The following FANK1 variants were observed in gnomAD, a reference collection of about 807,000 sequenced individuals.
FANK1 encodes fibronectin type III and ankyrin repeat domains 1.
A neutral mutation model predicts 45.3 loss-of-function variants in FANK1; 44 were observed. The ratio of observed to expected loss-of-function variants is 0.97; its 90% CI spans 0.76 to 1.25. FANK1 has a LOEUF of 1.25. Ranked by LOEUF, FANK1 falls within the 50% of genes most tolerant of loss-of-function variation. The pLI is 0.00. For synonymous variants in FANK1, 149 were observed against 152.5 expected, an observed-to-expected ratio of 0.98 and a Z score of 0.17; for missense variants, 391 against 424.4, an observed-to-expected ratio of 0.92 and a Z score of 0.69.
chr10:125,952,134 A>T (rs1949275235), intron 1 of FANK1, among the ~76,000 whole-genome samples: 1 of 152,106 alleles, frequency 6.6e-6, no homozygotes, highest in African/African-American at 2.4e-5. Context: ...ATTTGTTGTA[A>T]TATTTGGTGT....
chr10:125,920,705 A>G (rs1005920992), intron 1 of FANK1, among the ~76,000 whole-genome samples: 1 of 152,230 alleles, frequency 6.6e-6, no homozygotes, highest in African/African-American at 2.4e-5. Context: ...AGGGCAGCAC[A>G]TCGTTTGCAG....
chr10:125,902,396 G>T (rs1301319498), intron 1 of FANK1, among the ~76,000 whole-genome samples: 1 of 152,192 alleles, frequency 6.6e-6, no homozygotes, highest in Non-Finnish European at 1.5e-5. Flanking sequence ...TCATGGAATG[G>T]ATAGCACTGC....
chr10:125,940,918 C>A (rs1378891834), intron 1 of FANK1, among the ~76,000 whole-genome samples: 1 of 152,216 alleles, frequency 6.6e-6, no homozygotes, highest in Non-Finnish European at 1.5e-5. Context: ...TGATTCCACA[C>A]AACACATGTT....
chr10:125,908,262 C>T (rs1945705847), intron 1 of FANK1, among the ~76,000 whole-genome samples: 1 of 152,174 alleles, frequency 6.6e-6, no homozygotes. Flanking sequence ...TCCCAAAGGG[C>T]TGGGATTACA....
At chr10:125,951,183 T>C (rs1949196982) in intron 1 of FANK1, among the ~76,000 whole-genome samples, 1 of 150,580 alleles carries the variant, frequency 6.6e-6, no homozygotes, top group South Asian at 2.1e-4. Context: ...GCATGGCACA[T>C]GTATACATAT....
At chr10:125,971,840 T>C (rs904240920) in intron 1 of FANK1, among the ~76,000 whole-genome samples, 9 of 152,244 alleles carry the variant, frequency 5.9e-5, no homozygotes, top group Middle Eastern at 3.4e-3. Flanking sequence ...GCCAGGATGG[T>C]CTCGATCTCG....
Position 126,005,007 on chromosome 10 carries a change from C to T in FANK1, c.663C>T (p.Gly221=). Residue 221 remains glycine (G), a synonymous_variant, in exon 7 of 11, where the codon GGC becomes GGT. Coordinates refer to ENST00000368693, the MANE Select transcript of FANK1 (RefSeq NM_145235.5). ...CTCTGCACTGGGCTGCAGATGGAGG[C>T]CACTGCAGTGTGATTGAGTGGATGA... ...CTALHWAADG[G]HCSVIEWMIK... is the part of the protein sequence containing the mutation. The T allele has an allele frequency of 2.5e-6, 4 of 1,614,112 alleles. No homozygotes were observed. The highest frequency in any genetic ancestry group is 1.7e-5 in the Admixed American group (1 of 60,018).
At chr10:125,934,309 AC>A (rs1947934369) in intron 1 of FANK1, among the ~76,000 whole-genome samples, 1 of 152,172 alleles carries the variant, frequency 6.6e-6, no homozygotes, top group Non-Finnish European at 1.5e-5. Flanking sequence ...GCGTTTTATT[AC>A]TTGGCTTTTC....
rs555183824 is a variant in FANK1 at position 125,923,591 on chromosome 10, A to G, written c.13+26936A>G. On this transcript the variant is annotated intron_variant, in intron 1 of 10. Coordinates refer to ENST00000368693, the MANE Select transcript of FANK1 (RefSeq NM_145235.5). Reference sequence around the variant, plus strand: ...TGCCCAGGCTGGAGTACAGTGGTACAATCATGGCTCACTGCAGCCTCCGCC... The same window carrying G: ...TGCCCAGGCTGGAGTACAGTGGTACGATCATGGCTCACTGCAGCCTCCGCC... Among the ~76,000 whole-genome samples the G allele has an allele frequency of 1.5e-3, 233 of 152,180 alleles. 1 individual carries two copies. Among genetic ancestry groups the G allele is most frequent in the African/African-American group, 5.2e-3 (217 of 41,564 alleles).
Position 125,977,813 on chromosome 10 carries a change from G to A in FANK1, c.14-2348G>A, listed in dbSNP as rs1230608036. On this transcript the variant is annotated intron_variant, in intron 1 of 10. Coordinates refer to ENST00000368693, the MANE Select transcript of FANK1 (RefSeq NM_145235.5). ...GGGACCTGTAGGAGACAGACTGGCT[G>A]CCTCTCCTTGGGTCGACTGTAGCTT... Among the ~76,000 whole-genome samples the A allele has an allele frequency of 3.3e-5, 5 of 152,166 alleles. No individual in the cohort carries two copies. In the South Asian group the frequency reaches 8.3e-4, roughly 25 times the overall value.
In FANK1 at chr10:125,943,474, C is replaced by T. The variant is rs116686081; in HGVS notation, c.14-36687C>T. Among the ~76,000 whole-genome samples, 73 of 152,308 alleles carry T rather than the reference C, an allele frequency of 4.8e-4. 2 individuals carry two copies. Among genetic ancestry groups the T allele is most frequent in the African/African-American group, 1.8e-3 (73 of 41,572 alleles). Reference sequence around the variant, plus strand: ...TTTTCATCACCCCCAGGAGAAATCTCATAACCATTAGAAACCATTCTCCCT... The same window carrying T: ...TTTTCATCACCCCCAGGAGAAATCTTATAACCATTAGAAACCATTCTCCCT... On this transcript the variant is annotated intron_variant, in intron 1 of 10. Transcript: ENST00000368693.
At chr10:125,919,917 T>C (rs1423647960) in intron 1 of FANK1, among the ~76,000 whole-genome samples, 1 of 152,222 alleles carries the variant, frequency 6.6e-6, no homozygotes, top group Non-Finnish European at 1.5e-5. Flanking sequence ...TTTCTGCCTA[T>C]AGTAATTCTG....
chr10:125,991,278 T>TGTGTGTGTGTGTGTGTGTGTGTGTG (rs60170742), intron 3 of FANK1, among the ~76,000 whole-genome samples: 1 of 147,182 alleles, frequency 6.8e-6, no homozygotes, highest in African/African-American at 2.5e-5. Context: ...TGTGTGTGTG[T>TGTGTGTGTGTGTGTGTGTGTGTGTG]TGGGGGAGTG....
At chr10:125,906,856 C>T (rs1200468753) in intron 1 of FANK1, among the ~76,000 whole-genome samples, 1 of 152,154 alleles carries the variant, frequency 6.6e-6, no homozygotes, top group East Asian at 1.9e-4. Context: ...ATTACATCTT[C>T]AATTATTTTA....
intron 1 of FANK1, chr10:125,972,804 CGTGT>C (rs141138335): frequency 0.34 from 51,182 of 151,662 alleles, 9,221 homozygotes; most frequent in South Asian, 0.45. Context: ...ATTGCTGACA[CGTGT>C]GTGTGTTCAC....
intron 1 of FANK1, among the ~76,000 whole-genome samples, chr10:125,947,533 G>A (rs1205958145): frequency 2.0e-4 from 30 of 150,978 alleles, no homozygotes; most frequent in African/African-American, 7.3e-4. Context: ...TTACATAATG[G>A]TAAAGGGATC....
chr10:125,911,154 C>G (rs1317251207), intron 1 of FANK1, among the ~76,000 whole-genome samples: 1 of 152,094 alleles, frequency 6.6e-6, no homozygotes, highest in Non-Finnish European at 1.5e-5. Flanking sequence ...GTGTATCATC[C>G]AGGTGGGCAC....
intron 8 of FANK1, 22 bp downstream of exon 8, chr10:126,008,572 A>C (rs1394700542): frequency 6.3e-7 from 1 of 1,592,140 alleles, no homozygotes; most frequent in African/African-American, 1.4e-5. Flanking sequence ...TCCCGAAAAT[A>C]GGCAGTTTTC....
intron 8 of FANK1, 58 bp from the exon 9 acceptor site, chr10:126,008,996 G>A (rs1018210194): frequency 1.3e-6 from 2 of 1,542,034 alleles, no homozygotes; most frequent in Non-Finnish European, 1.8e-6. Context: ...CATGCCCCCT[G>A]CTGTGTGTGC....
Sources: gnomAD v4.1 joint callset for allele counts (sites outside exome capture counted in the v4.1 genomes callset) on GRCh38, gnomAD v4.1.1 for gene constraint, MANE v1.5 for transcripts, NCBI Gene and HGNC (gene_info 2026-07-23, HGNC 2026-07-21) for gene names.